Variants in ATP8A1 observed in about 807,000 individuals in gnomAD.
ATP8A1 encodes phospholipid-transporting ATPase IA.
ATP8A1 carries 90 observed loss-of-function variants against 177.7 expected under a neutral mutation model. That is an observed-to-expected ratio of 0.51 (90% confidence interval 0.43 to 0.60). The LOEUF is 0.60. Ranked by LOEUF, ATP8A1 falls within the 20% of genes least tolerant of loss-of-function variation. The probability of loss-of-function intolerance (pLI) is 0.00; values close to 1 mark genes in which losing one functional copy is unlikely to be tolerated. For missense variants in ATP8A1, 1,072 were observed against 1,392.8 expected (o/e 0.77, Z 3.67); for synonymous variants, 493 against 485.9 (o/e 1.01, Z -0.19).
At chr4:42,575,806 G>A in intron 12 of ATP8A1, 107 bp from the exon 13 acceptor site, 2 of 928,584 alleles carry the variant, frequency 2.2e-6, no homozygotes, top group Non-Finnish European at 3.4e-6. Flanking sequence ...GTCACTGTTT[G>A]ATGAACTATA....
rs115011368 is a variant in ATP8A1 at position 42,462,196 on chromosome 4, G to A, written c.2619+2494C>T. Among the ~76,000 whole-genome samples the A allele has an allele frequency of 1.4e-3, 207 of 152,314 alleles. 1 individual carries two copies. The highest frequency in any genetic ancestry group is 3.8e-3 in the African/African-American group (160 of 41,566). On this transcript the variant is annotated intron_variant, in intron 27 of 36. Transcript: ENST00000381668. ...AAATGGAAGCAGGCTGCAGAAATTC[G>A]CCTAAGTAATGAGAAGCCAAATGTT...
At position 42,575,552 on chromosome 4, in the gene ATP8A1, A is replaced by AT. The variant is rs201381490; in HGVS notation, c.1206+69dup. ...AGCTGTCCATTCATCTGCAGTTATC[A>AT]TATATGGCAGATACCACACCAAATC... On this transcript the variant is annotated intron_variant, in intron 13 of 36. Coordinates refer to ENST00000381668, the MANE Select transcript of ATP8A1 (RefSeq NM_006095.2). The AT allele has an allele frequency of 7.1e-4, 908 of 1,270,834 alleles. 11 individuals carry two copies. In the African/African-American group the frequency reaches 0.011, roughly 16 times the overall value. The allele number at this position is 1,270,834 out of a possible 1,614,324, so 78.7% of individuals were successfully genotyped here.
intron 33 of ATP8A1, among the ~76,000 whole-genome samples, chr4:42,433,797 A>T (rs1188980248): frequency 2.6e-5 from 4 of 151,954 alleles, no homozygotes; most frequent in Admixed American, 2.6e-4. Context: ...CCAATACTCA[A>T]TCTAGCCATA....
At chr4:42,454,541 T>C (rs1392006763) in intron 29 of ATP8A1, among the ~76,000 whole-genome samples, 2 of 152,194 alleles carry the variant, frequency 1.3e-5, no homozygotes, top group Non-Finnish European at 2.9e-5. Context: ...AACTTGATTG[T>C]TGTAATATTA....
intron 25 of ATP8A1, among the ~76,000 whole-genome samples, chr4:42,477,168 A>C (rs982870466): frequency 2.6e-5 from 4 of 152,230 alleles, no homozygotes; most frequent in Non-Finnish European, 4.4e-5. Context: ...CACTCAAAAA[A>C]CACTTGCTGA....
At chr4:42,617,297 A>C (rs1162347778) in intron 4 of ATP8A1, among the ~76,000 whole-genome samples, 1 of 152,232 alleles carries the variant, frequency 6.6e-6, no homozygotes, top group Non-Finnish European at 1.5e-5. Flanking sequence ...TGCCTCTGCG[A>C]AAGAATTGTT....
chr4:42,439,497 G>C (rs1469865317), intron 33 of ATP8A1, among the ~76,000 whole-genome samples: 1 of 152,198 alleles, frequency 6.6e-6, no homozygotes, highest in Non-Finnish European at 1.5e-5. Flanking sequence ...AGCAAAAAAT[G>C]TTATTTGCCA....
Position 42,411,527 on chromosome 4 carries a change from T to C in ATP8A1, c.*1389A>G, listed in dbSNP as rs981317048. Reference sequence around the variant, plus strand: ...CTTTTTTTCAAATGAAAGTATTATTTAAAAAATAGTGTAGAAAACTGGTTG... The same window carrying C: ...CTTTTTTTCAAATGAAAGTATTATTCAAAAAATAGTGTAGAAAACTGGTTG... On this transcript the variant is annotated 3_prime_UTR_variant, in exon 37 of 37. Transcript: ENST00000381668. The C allele has an allele frequency of 1.6e-4, 25 of 152,194 alleles. No individual in the cohort carries two copies. Among genetic ancestry groups the C allele is most frequent in the African/African-American group, 6.0e-4 (25 of 41,464 alleles). 9.4% of individuals were successfully genotyped at this position (152,194 alleles called of 1,614,324 possible). A position where few individuals can be genotyped will look rare whatever the true frequency, so the allele number is the denominator to read the frequency against.
chr4:42,519,840 AG>A (rs1725928280), intron 22 of ATP8A1, among the ~76,000 whole-genome samples: 1 of 152,196 alleles, frequency 6.6e-6, no homozygotes, highest in Admixed American at 6.5e-5. Context: ...CATTTATTTT[AG>A]GTAAAAAACA....
At position 42,525,896 on chromosome 4, in the gene ATP8A1, G is replaced by A. The variant is rs188346921; in HGVS notation, c.1723-1049C>T. Among the ~76,000 whole-genome samples, 8 of 152,136 alleles carry A rather than the reference G, an allele frequency of 5.3e-5. No individual in the cohort carries two copies. In the East Asian group the frequency reaches 1.5e-3, roughly 29 times the overall value. ...ATGGAGTATTCCAAGCCGCAATTCTGAATTTCTTTTCATTTTTCAGTGATG... is the reference window on the plus strand; with the variant it reads ...ATGGAGTATTCCAAGCCGCAATTCTAAATTTCTTTTCATTTTTCAGTGATG... On this transcript the variant is annotated intron_variant, in intron 20 of 36. Coordinates refer to ENST00000381668, the MANE Select transcript of ATP8A1 (RefSeq NM_006095.2).
intron 3 of ATP8A1, chr4:42,625,194 T>A (rs1416874073): frequency 2.0e-5 from 3 of 153,506 alleles, no homozygotes; most frequent in African/African-American, 7.2e-5. Flanking sequence ...AATGAAAATA[T>A]TTTTTCAAAT....
At chr4:42,545,635 C>T (rs1289414347) in intron 19 of ATP8A1, among the ~76,000 whole-genome samples, 1 of 152,174 alleles carries the variant, frequency 6.6e-6, no homozygotes, top group Non-Finnish European at 1.5e-5. Flanking sequence ...CCTCCTCACC[C>T]CAGAAGCTTG....
intron 24 of ATP8A1, among the ~76,000 whole-genome samples, chr4:42,494,013 C>T (rs1170894720): frequency 6.6e-6 from 1 of 151,678 alleles, no homozygotes; most frequent in African/African-American, 2.4e-5. Flanking sequence ...ACCAGCCTGG[C>T]CAACATGGTG....
chr4:42,506,805 C>T (rs1000638292), intron 23 of ATP8A1, among the ~76,000 whole-genome samples: 1 of 152,146 alleles, frequency 6.6e-6, no homozygotes, highest in Non-Finnish European at 1.5e-5. Flanking sequence ...ATAAATCTTC[C>T]ATAAGCCCAA....
intron 1 of ATP8A1, among the ~76,000 whole-genome samples, chr4:42,638,309 TA>T (rs1170662877): frequency 1.3e-5 from 2 of 152,068 alleles, no homozygotes; most frequent in Non-Finnish European, 1.5e-5. Context: ...AGTTATTGTC[TA>T]AAAAAGGAAA....
chr4:42,478,185 T>C (rs891288648), intron 25 of ATP8A1, among the ~76,000 whole-genome samples: 4 of 151,872 alleles, frequency 2.6e-5, no homozygotes, highest in African/African-American at 7.3e-5. Flanking sequence ...TAAAACCCCA[T>C]CTCTACTGAA....
chr4:42,487,017 C>T (rs1052616067), intron 24 of ATP8A1, among the ~76,000 whole-genome samples: 1 of 152,156 alleles, frequency 6.6e-6, no homozygotes, highest in African/African-American at 2.4e-5. Flanking sequence ...TTTCAAAAAT[C>T]CTCAATGCTA....
rs753396740 is a variant in ATP8A1, at chr4:42,581,748, T to G, written c.723-16A>C. The G allele has an allele frequency of 6.3e-7, 1 of 1,578,954 alleles. No homozygotes were observed. Among genetic ancestry groups the G allele is most frequent in the East Asian group, 2.2e-5 (1 of 44,712 alleles). The stretch of plus-strand genomic sequence containing the variant: ...TGGAACGGTGCTAGGACAGATTACG[T>G]TGACATTAGAAACAGTATTTTCTAA... On this transcript the variant is annotated splice_polypyrimidine_tract_variant and intron_variant, in intron 9 of 36. Coordinates refer to ENST00000381668, the MANE Select transcript of ATP8A1 (RefSeq NM_006095.2).
chr4:42,454,393 G>C (rs925714226), intron 29 of ATP8A1, among the ~76,000 whole-genome samples: 9 of 152,190 alleles, frequency 5.9e-5, no homozygotes, highest in Admixed American at 5.9e-4. Flanking sequence ...TCAAGATTCT[G>C]AGTTAAGGTT....
Sources: allele counts gnomAD v4.1 joint callset (sites outside exome capture counted in the v4.1 genomes callset), GRCh38; gene constraint gnomAD v4.1.1; transcripts MANE v1.5; gene names NCBI Gene and HGNC (gene_info 2026-07-23, HGNC 2026-07-21).